Variants in NCBP1 observed in about 807,000 individuals in gnomAD.
NCBP1 encodes nuclear cap-binding protein subunit 1.
A neutral mutation model predicts 111.7 loss-of-function variants in NCBP1; 16 were observed. The observed-to-expected ratio is 0.14, with a 90% CI of 0.10 to 0.22. The LOEUF (loss-of-function observed/expected upper bound fraction) is 0.22. Ranked by LOEUF, NCBP1 falls within the 10% of genes least tolerant of loss-of-function variation. The probability of loss-of-function intolerance (pLI) is 1.00; values close to 1 mark genes in which losing one functional copy is unlikely to be tolerated. For synonymous variants in NCBP1, 304 were observed against 314.3 expected, an observed-to-expected ratio of 0.97 and a Z score of 0.35; for missense variants, 607 against 957.5, an observed-to-expected ratio of 0.63 and a Z score of 4.83.
In NCBP1 at chr9:97,671,821, T is replaced by A. The variant is rs1429347655; in HGVS notation, c.*622T>A. On this transcript the variant is annotated 3_prime_UTR_variant, in exon 23 of 23. Transcript: ENST00000375147. The stretch of plus-strand genomic sequence containing the variant: ...CAAATTTGTCTTAATGTAAATCACC[T>A]GGGAATCTTTCAAGTTATTTTGAAA... 6.6e-6 allele frequency: 1 copy of A among 152,228 alleles called. No homozygotes were observed. Among genetic ancestry groups the A allele is most frequent in the Non-Finnish European group, 1.5e-5 (1 of 68,026 alleles). 9.4% of individuals were successfully genotyped at this position (152,228 alleles called of 1,614,324 possible). A position where few individuals can be genotyped will look rare whatever the true frequency, so the allele number is the denominator to read the frequency against.
chr9:97,642,172 C>T (rs1827222659), intron 3 of NCBP1, among the ~76,000 whole-genome samples: 1 of 152,068 alleles, frequency 6.6e-6, no homozygotes, highest in South Asian at 2.1e-4. Flanking sequence ...TATCACTTCT[C>T]AGCCTTTTAG....
At chr9:97,663,453 A>T (rs1408058610) in intron 18 of NCBP1, among the ~76,000 whole-genome samples, 1 of 152,162 alleles carries the variant, frequency 6.6e-6, no homozygotes, top group East Asian at 1.9e-4. Context: ...CATTGAAATT[A>T]TGTATTTTTT....
chr9:97,664,079 T>G (rs756929435), intron 18 of NCBP1, among the ~76,000 whole-genome samples: 1 of 151,870 alleles, frequency 6.6e-6, no homozygotes, highest in Non-Finnish European at 1.5e-5. Flanking sequence ...CTCAGGAGGT[T>G]GAGGCAGGAG....
intron 1 of NCBP1, among the ~76,000 whole-genome samples, chr9:97,636,434 AGTGT>A (rs1268560577): frequency 6.7e-6 from 1 of 148,266 alleles, no homozygotes; most frequent in Non-Finnish European, 1.5e-5. Flanking sequence ...CTATATATAG[AGTGT>A]GTGTATATAT....
intron 4 of NCBP1, among the ~76,000 whole-genome samples, chr9:97,643,998 G>A (rs1223638839): frequency 6.6e-6 from 1 of 152,178 alleles, no homozygotes; most frequent in African/African-American, 2.4e-5. Context: ...TCTACAGTGA[G>A]TGGTCTTAAA....
intron 18 of NCBP1, among the ~76,000 whole-genome samples, chr9:97,663,733 C>G (rs1827907448): frequency 6.6e-6 from 1 of 151,830 alleles, no homozygotes; most frequent in Non-Finnish European, 1.5e-5. Context: ...GATCTGCCCA[C>G]CTCGGCCTCC....
rs757854628 is a variant in NCBP1, at chr9:97,662,022, T to C, written c.1601-20T>C. ...TTGCTGTGCTTACATTTTTCTGTTT[T>C]ACTATAAAATATTTTTCAGATGAAG... is the stretch of plus-strand genomic sequence containing the variant. On this transcript the variant is annotated intron_variant, in intron 16 of 22. Transcript: ENST00000375147. The C allele has an allele frequency of 1.3e-6, 2 of 1,576,042 alleles. No homozygotes were observed. The highest frequency in any genetic ancestry group is 2.2e-5 in the South Asian group (2 of 90,046).
chr9:97,668,516 T>A (rs1159766983), intron 20 of NCBP1, among the ~76,000 whole-genome samples: 2 of 152,166 alleles, frequency 1.3e-5, no homozygotes, highest in Non-Finnish European at 2.9e-5. Context: ...AGATGAATGA[T>A]TAGCAAGCTG....
chr9:97,652,982 G>T, intron 10 of NCBP1, among the ~76,000 whole-genome samples: 1 of 152,190 alleles, frequency 6.6e-6, no homozygotes, highest in Non-Finnish European at 1.5e-5. Flanking sequence ...TATACAGAGA[G>T]AGTAGGAAGG....
At chr9:97,666,639 C>G (rs956062792) in intron 19 of NCBP1, 124 bp from the exon 20 acceptor site, 2 of 583,052 alleles carry the variant, frequency 3.4e-6, no homozygotes, top group Non-Finnish European at 5.9e-6. Context: ...AGAAAGATGA[C>G]TAATTCAGCC....
chr9:97,647,569 G>A lies in NCBP1; in HGVS notation c.681+8G>A. 6.2e-7 allele frequency: 1 copy of A among 1,602,960 alleles called. No homozygotes were observed. The highest frequency in any genetic ancestry group is 1.1e-5 in the South Asian group (1 of 90,838). On this transcript the variant is annotated splice_region_variant and intron_variant, in intron 7 of 22. Coordinates refer to ENST00000375147, the MANE Select transcript of NCBP1 (RefSeq NM_002486.5). ...CCACATCCACAAGAAGAGGTAAATG[G>A]ATTTCAGTCCCTTGTGATACAAACA...
At chr9:97,659,650 G>T (rs994600641) in intron 15 of NCBP1, among the ~76,000 whole-genome samples, 20 of 152,204 alleles carry the variant, frequency 1.3e-4, no homozygotes, top group Non-Finnish European at 8.8e-5. Flanking sequence ...CATGCTGTTA[G>T]CCACTGTGCT....
chr9:97,638,213 C>T (rs995756694), intron 1 of NCBP1, among the ~76,000 whole-genome samples: 2 of 152,170 alleles, frequency 1.3e-5, no homozygotes, highest in Admixed American at 6.5e-5. Context: ...TTTATAGTCT[C>T]TCAACTATCA....
At chr9:97,657,115 C>T (rs1373916524) in intron 14 of NCBP1, among the ~76,000 whole-genome samples, 1 of 152,116 alleles carries the variant, frequency 6.6e-6, no homozygotes, top group African/African-American at 2.4e-5. Flanking sequence ...TACAGGCGCC[C>T]GCCACCACGC....
At chr9:97,641,230 C>T (rs1388208150) in intron 2 of NCBP1, among the ~76,000 whole-genome samples, 1 of 151,956 alleles carries the variant, frequency 6.6e-6, no homozygotes, top group East Asian at 1.9e-4. Flanking sequence ...CCATGGTGTC[C>T]TCCCATTTCT....
At chr9:97,635,730 A>G (rs912598753) in intron 1 of NCBP1, 3 of 151,964 alleles carry the variant, frequency 2.0e-5, no homozygotes, top group Admixed American at 2.0e-4. Flanking sequence ...CGATAATACA[A>G]TTTTCATATG....
Position 97,648,187 on chromosome 9 carries a change from C to T in NCBP1, c.861C>T (p.Val287=), listed in dbSNP as rs745374790. 1.2e-6 allele frequency: 2 copies of T among 1,614,138 alleles called. No homozygotes were observed. Among genetic ancestry groups the T allele is most frequent in the Admixed American group, 1.7e-5 (1 of 60,022 alleles). The change falls in exon 8 of 23, where the codon GTC becomes GTT. Residue 287 remains valine, a synonymous_variant. Transcript: ENST00000375147. ...ATTCAGTGTACCCAATGCCAAGGGT[C>T]ATCTTCAGAATGTTTGATTACACAG... ...TEDSVYPMPR[V]IFRMFDYTDD... is the part of the protein sequence containing the mutation.
intron 15 of NCBP1, among the ~76,000 whole-genome samples, chr9:97,659,157 T>A (rs1827756227): frequency 6.6e-6 from 1 of 152,262 alleles, no homozygotes; most frequent in Non-Finnish European, 1.5e-5. Context: ...TTTTCTTACC[T>A]TTTGGTCACA....
At chr9:97,644,241 AC>A (rs1827275835) in intron 4 of NCBP1, among the ~76,000 whole-genome samples, 1 of 151,952 alleles carries the variant, frequency 6.6e-6, no homozygotes, top group Non-Finnish European at 1.5e-5. Context: ...TAAAGTCCAG[AC>A]TCTTTAGCCT....
Sources: gnomAD v4.1 joint callset for allele counts (sites outside exome capture counted in the v4.1 genomes callset) on GRCh38, gnomAD v4.1.1 for gene constraint, MANE v1.5 for transcripts, NCBI Gene and HGNC (gene_info 2026-07-23, HGNC 2026-07-21) for gene names.